PDE2A: variants seen among roughly 807,000 people sequenced by gnomAD.
PDE2A encodes phosphodiesterase 2A.
In PDE2A, 53 loss-of-function variants were observed where a neutral mutation model predicts 133.6. That is an observed-to-expected ratio of 0.40 (90% confidence interval 0.32 to 0.50). The LOEUF (loss-of-function observed/expected upper bound fraction) is 0.50, where lower values mean the gene tolerates loss of function less well. Among genes scored for constraint, PDE2A ranks in the 20% least tolerant of loss-of-function variants. PDE2A has a pLI of 0.73. For synonymous variants in PDE2A, 491 were observed against 490.2 expected (o/e 1.00, Z -0.02); for missense variants, 796 against 1,232.4 (o/e 0.65, Z 5.30).
chr11:72,642,928 G>C (rs1859022470), intron 1 of PDE2A: 1 of 154,630 alleles, frequency 6.5e-6, no homozygotes. Flanking sequence ...GTTGGAGGTC[G>C]CTGTGAGACG....
rs116028848 is a variant in PDE2A, at chr11:72,596,162, T to C, written c.489+431A>G. On this transcript the variant is annotated intron_variant, in intron 6 of 30. Transcript: ENST00000334456. The stretch of plus-strand genomic sequence containing the variant: ...TGTCCATCTGTCCCTCCGCAGCATC[T>C]CTCTTCACACCTCACTTGGTTCATG... Among the ~76,000 whole-genome samples, 782 of 152,266 alleles carry C rather than the reference T, an allele frequency of 5.1e-3. 4 individuals are homozygous for C. Among genetic ancestry groups the C allele is most frequent in the African/African-American group, 0.018 (746 of 41,546 alleles).
chr11:72,636,309 T>A (rs919638864), intron 2 of PDE2A, among the ~76,000 whole-genome samples: 19 of 152,260 alleles, frequency 1.2e-4, no homozygotes, highest in African/African-American at 4.6e-4. Flanking sequence ...TGTTTAGCAT[T>A]TTCATAAATT....
At position 72,584,271 on chromosome 11, in the gene PDE2A, G is replaced by C; in HGVS notation, c.1580C>G (p.Pro527Arg). The change falls in exon 19 of 31, where the codon CCA becomes CGA. Residue 527 changes from proline (P) to arginine (R), a missense_variant. By Grantham distance (103) the Pro-to-Arg change is moderately radical. Around this residue, in one of 7 missense-constraint regions of PDE2A, gnomAD observed 218 missense variants for 465.9 expected, o/e 0.47. Coordinates refer to ENST00000334456, the MANE Select transcript of PDE2A (RefSeq NM_002599.5). ...VAELVNKING[P>R]WFSKFDEDLA... ...GTCCTCGTCGAACTTGCTGAACCAT[G>C]GCCCATTGATCTTGTTCACCAGCTC... 6.2e-7 allele frequency: 1 copy of C among 1,613,092 alleles called. No homozygotes were observed. The highest frequency in any genetic ancestry group is 8.5e-7 in the Non-Finnish European group (1 of 1,179,324).
At chr11:72,668,470 T>C (rs1411109621) in intron 1 of PDE2A, 2 of 707,044 alleles carry the variant, frequency 2.8e-6, no homozygotes, top group African/African-American at 1.7e-5. Context: ...TTAATACTTC[T>C]ATCCCTGCTC....
At chr11:72,599,862 G>A (rs1856659067) in intron 4 of PDE2A, among the ~76,000 whole-genome samples, 1 of 152,220 alleles carries the variant, frequency 6.6e-6, no homozygotes, top group Admixed American at 6.5e-5. Context: ...TCAGTCGGGA[G>A]ATGAGAGCTC....
chr11:72,668,560 C>T (rs184760538), intron 1 of PDE2A: 6 of 676,968 alleles, frequency 8.9e-6, no homozygotes, highest in Middle Eastern at 2.5e-4. Context: ...TTGGGCTCCA[C>T]ACAGCCCAGC....
intron 30 of PDE2A, among the ~76,000 whole-genome samples, chr11:72,577,887 G>A (rs567942892): frequency 6.1e-4 from 93 of 152,232 alleles, no homozygotes; most frequent in African/African-American, 1.6e-3. Flanking sequence ...CAGGAGAATC[G>A]CTTGAACCCA....
At chr11:72,581,262 G>T in intron 23 of PDE2A, 95 bp downstream of exon 23, 1 of 1,255,988 alleles carries the variant, frequency 8.0e-7, no homozygotes, top group Non-Finnish European at 1.1e-6. Context: ...CCATGAGGCA[G>T]TGCGTGTAAA....
At chr11:72,654,613 C>T (rs1267821700) in intron 1 of PDE2A, among the ~76,000 whole-genome samples, 1 of 152,058 alleles carries the variant, frequency 6.6e-6, no homozygotes, top group Non-Finnish European at 1.5e-5. Context: ...TGGGTGACAG[C>T]ATGCTCTCCT....
chr11:72,639,209 A>G (rs935304280), intron 2 of PDE2A, among the ~76,000 whole-genome samples: 1 of 152,132 alleles, frequency 6.6e-6, no homozygotes, highest in African/African-American at 2.4e-5. Flanking sequence ...AGGGTCCCCA[A>G]AGGTGTGACC....
At chr11:72,596,362 G>A (rs866005224) in intron 6 of PDE2A, among the ~76,000 whole-genome samples, 1 of 151,972 alleles carries the variant, frequency 6.6e-6, no homozygotes, top group Admixed American at 6.5e-5. Flanking sequence ...CTACCTATTC[G>A]AGGTGGGGCA....
intron 2 of PDE2A, among the ~76,000 whole-genome samples, chr11:72,626,104 G>A (rs1407085172): frequency 1.3e-5 from 2 of 152,264 alleles, no homozygotes; most frequent in Non-Finnish European, 2.9e-5. Flanking sequence ...CTGGGCCTAG[G>A]CCTTGCCCGC....
At chr11:72,659,959 G>C (rs1855004750) in intron 1 of PDE2A, among the ~76,000 whole-genome samples, 2 of 152,278 alleles carry the variant, frequency 1.3e-5, no homozygotes, top group South Asian at 4.1e-4. Flanking sequence ...GGCCCAGAGA[G>C]GGTCAGCAGT....
intron 24 of PDE2A, 31 bp downstream of exon 24, chr11:72,580,855 G>T: frequency 7.5e-7 from 1 of 1,337,276 alleles, no homozygotes; most frequent in Non-Finnish European, 1.1e-6. Flanking sequence ...CCCCATGGAG[G>T]GTCCCCACTG....
chr11:72,612,172 C>T (rs1416811789), intron 2 of PDE2A, among the ~76,000 whole-genome samples: 4 of 152,112 alleles, frequency 2.6e-5, no homozygotes, highest in African/African-American at 4.8e-5. Context: ...TCTACTCATA[C>T]GTATATGCAC....
intron 2 of PDE2A, among the ~76,000 whole-genome samples, chr11:72,614,050 G>A (rs1857344606): frequency 6.6e-6 from 1 of 152,314 alleles, no homozygotes; most frequent in East Asian, 1.9e-4. Context: ...TCGGCCCCTG[G>A]CCTCAGCCCA....
chr11:72,581,445 G>C lies in PDE2A; in HGVS notation c.1957C>G (p.Pro653Ala), dbSNP rs1489634006. 1 of 1,605,664 alleles carries C rather than the reference G, an allele frequency of 6.2e-7. No homozygotes were observed. Among genetic ancestry groups the C allele is most frequent in the Non-Finnish European group, 8.5e-7 (1 of 1,176,784 alleles). Residue 653 changes from proline to alanine, a missense_variant, in exon 23 of 31, where the codon CCC becomes GCC. Physicochemically the swap from Pro to Ala is conservative, Grantham distance 27. Coordinates refer to ENST00000334456, the MANE Select transcript of PDE2A (RefSeq NM_002599.5). ...GCGTGCATCCAGTTGTGGTAGGGGG[G>C]ATCCCGGTAGCCCTTCTTCACCATC... ...CLMVKKGYRD[P>A]PYHNWMHAFS...
chr11:72,624,985 C>T (rs937194404), intron 2 of PDE2A, among the ~76,000 whole-genome samples: 6 of 152,242 alleles, frequency 3.9e-5, no homozygotes, highest in African/African-American at 1.4e-4. Flanking sequence ...CTTGGCCCCT[C>T]GTCCCCACCC....
chr11:72,634,848 G>A (rs928143441), intron 2 of PDE2A, among the ~76,000 whole-genome samples: 6 of 152,248 alleles, frequency 3.9e-5, no homozygotes, highest in African/African-American at 1.4e-4. Context: ...TACTGAGAGG[G>A]TGCTGATGGG....
Sources: gnomAD v4.1 joint callset for allele counts (sites outside exome capture counted in the v4.1 genomes callset) on GRCh38, gnomAD v4.1.1 for gene constraint, gnomAD v4.1.1 regional missense constraint, MANE v1.5 for transcripts, NCBI Gene and HGNC (gene_info 2026-07-23, HGNC 2026-07-21) for gene names.